GDF5: variants seen among roughly 807,000 people sequenced by gnomAD.
GDF5 encodes growth/differentiation factor 5.
Under a neutral mutation model 34.6 loss-of-function variants are expected in GDF5, and 17 were observed. The ratio of observed to expected loss-of-function variants is 0.49; its 90% CI spans 0.34 to 0.74. The LOEUF (loss-of-function observed/expected upper bound fraction) is 0.74. Among genes scored for constraint, GDF5 ranks in the 30% least tolerant of loss-of-function variants. GDF5 has a pLI of 0.01. For synonymous variants in GDF5, 332 were observed against 290.7 expected (o/e 1.14, Z -1.44); for missense variants, 616 against 661.2 (o/e 0.93, Z 0.75).
At chr20:35,434,938 A>G in intron 1 of GDF5, 155 bp from the exon 2 acceptor site, 3 of 814,844 alleles carry the variant, frequency 3.7e-6, no homozygotes, top group Non-Finnish European at 6.5e-6. Flanking sequence ...AACCACTGAG[A>G]GCCTTTTTGA....
Position 35,433,563 on chromosome 20 carries a change from A to G in GDF5, c.*346T>C. The G allele has an allele frequency of 8.0e-6, 3 of 375,766 alleles. No homozygotes were observed. The highest frequency in any genetic ancestry group is 1.0e-5 in the Non-Finnish European group (2 of 194,388). 23.3% of individuals were successfully genotyped at this position (375,766 alleles called of 1,614,324 possible). The stretch of plus-strand genomic sequence containing the variant: ...GGCTCTCCTGAGAGGTGCTTAGGAG[A>G]GTCCAGAGGCTGAGAAGGCCCAGGT... On this transcript the variant is annotated 3_prime_UTR_variant, in exon 2 of 2. Coordinates refer to ENST00000374369, the MANE Select transcript of GDF5 (RefSeq NM_000557.5).
intron 1 of GDF5, among the ~76,000 whole-genome samples, chr20:35,448,084 A>G (rs907428625): frequency 3.2e-4 from 48 of 152,178 alleles, no homozygotes; most frequent in Non-Finnish European, 4.9e-4. Context: ...GTTAAAAGAG[A>G]AAGTTCCCCT....
At chr20:35,435,117 G>A (rs2062465985) in intron 1 of GDF5, 8 of 593,966 alleles carry the variant, frequency 1.3e-5, no homozygotes, top group African/African-American at 1.9e-5. Flanking sequence ...ATGAGCTAAC[G>A]TGATGTCTCA....
intron 1 of GDF5, chr20:35,453,908 GTC>G (rs2087206565): frequency 1.9e-6 from 1 of 534,400 alleles, no homozygotes; most frequent in African/African-American, 1.9e-5. Flanking sequence ...CCAAATTACA[GTC>G]TCTACGCTCA....
At chr20:35,454,224 C>CG (rs905435770) in intron 1 of GDF5, 28 of 350,458 alleles carry the variant, frequency 8.0e-5, no homozygotes, top group Non-Finnish European at 1.5e-4. Context: ...GAGGCCGAGG[C>CG]GGGAGGATCA....
At chr20:35,451,058 A>T (rs200200418) in intron 1 of GDF5, among the ~76,000 whole-genome samples, 44,631 of 61,390 alleles carry the variant, frequency 0.73, 14,220 homozygotes, top group Non-Finnish European at 0.78. Flanking sequence ...AAAAAAAAAA[A>T]AAAAAAATAT....
intron 1 of GDF5, among the ~76,000 whole-genome samples, chr20:35,452,815 T>A (rs1249123978): frequency 6.6e-6 from 1 of 152,238 alleles, no homozygotes; most frequent in African/African-American, 2.4e-5. Flanking sequence ...ATTCATTCAT[T>A]CAATGGACAC....
intron 1 of GDF5, among the ~76,000 whole-genome samples, chr20:35,436,897 T>G (rs1482297425): frequency 6.6e-6 from 1 of 152,180 alleles, no homozygotes; most frequent in African/African-American, 2.4e-5. Context: ...ACCTCAAGAT[T>G]CATTTCTTTC....
rs537885107 is a variant in GDF5 at position 35,438,000 on chromosome 20, A to C, written c.-72T>G. ...CGAAGGTGCCTCTGGTTTGGCAGGA[A>C]AAACCATGAAAGGAGTGGACTTTCA... On this transcript the variant is annotated 5_prime_UTR_variant, in exon 1 of 2. Coordinates refer to ENST00000374369, the MANE Select transcript of GDF5 (RefSeq NM_000557.5). The C allele has an allele frequency of 9.7e-5, 153 of 1,573,556 alleles. No individual in the cohort carries two copies. The African/African-American group carries it at 1.9e-3, about 19-fold the overall frequency.
intron 1 of GDF5, among the ~76,000 whole-genome samples, chr20:35,445,247 G>A (rs1465131118): frequency 6.6e-6 from 1 of 152,088 alleles, no homozygotes; most frequent in African/African-American, 2.4e-5. Context: ...TGGGCAAACC[G>A]GTAAAAACAT....
Position 35,438,063 on chromosome 20 carries a change from C to G in GDF5, c.-135G>C. On this transcript the variant is annotated 5_prime_UTR_variant, in exon 1 of 2. Coordinates refer to ENST00000374369, the MANE Select transcript of GDF5 (RefSeq NM_000557.5). ...GCAGCAGTAGCAGCAGAAGGAAAGG[C>G]TTTCTCCTCAGTCTGAGACTCTTGA... 1 of 988,998 alleles carries G rather than the reference C, an allele frequency of 1.0e-6. No individual in the cohort carries two copies. The highest frequency in any genetic ancestry group is 1.6e-6 in the Non-Finnish European group (1 of 643,656). The allele number at this position is 988,998 out of a possible 1,614,324, so 61.3% of individuals were successfully genotyped here. A position where few individuals can be genotyped will look rare whatever the true frequency, so the allele number is the denominator to read the frequency against.
upstream of GDF5, chr20:35,438,358 T>TCACACACACAGACA: frequency 1.3e-5 from 2 of 158,868 alleles, no homozygotes; most frequent in East Asian, 3.5e-4. Flanking sequence ...TGAAAATACT[T>TCACACACACAGACA]CACACACACA....
At chr20:35,451,637 A>G (rs2062534261) in intron 1 of GDF5, among the ~76,000 whole-genome samples, 1 of 144,668 alleles carries the variant, frequency 6.9e-6, no homozygotes, top group South Asian at 2.2e-4. Context: ...GCTAGAGTGC[A>G]GTAGGGCCAT....
At chr20:35,438,797 A>G (rs1192493748), upstream of GDF5, among the ~76,000 whole-genome samples, 2 of 147,490 alleles carry the variant, frequency 1.4e-5, no homozygotes, top group Non-Finnish European at 3.0e-5. Context: ...CAACTCCTGC[A>G]TCTAGTCTGG....
Position 35,433,987 on chromosome 20 carries a change from G to C in GDF5, c.1428C>G (p.Ile476Met). 1 of 1,613,936 alleles carries C rather than the reference G, an allele frequency of 6.2e-7. No individual in the cohort carries two copies. Among genetic ancestry groups the C allele is most frequent in the Non-Finnish European group, 8.5e-7 (1 of 1,179,810 alleles). Reference protein sequence around the residue: ...CVPTRLSPISILFIDSANNVV... With the variant: ...CVPTRLSPISMLFIDSANNVV... ...CGTTGTTGGCAGAGTCAATGAAGAG[G>C]ATGCTGATGGGACTCAGCCGCGTGG... is the stretch of plus-strand genomic sequence containing the variant. The change falls in exon 2 of 2, where the codon ATC (isoleucine) becomes ATG (methionine). Residue 476 changes from isoleucine to methionine, a missense_variant. By Grantham distance (10) the Ile-to-Met change is conservative (BLOSUM62 1). Coordinates refer to ENST00000374369, the MANE Select transcript of GDF5 (RefSeq NM_000557.5).
chr20:35,439,463 G>A (rs936723474), upstream of GDF5, among the ~76,000 whole-genome samples: 9 of 151,980 alleles, frequency 5.9e-5, no homozygotes, highest in African/African-American at 1.9e-4. Context: ...TCCTGACCTC[G>A]TGATCCGCCC....
Position 35,434,404 on chromosome 20 carries a change from G to A in GDF5, c.1011C>T (p.His337=), listed in dbSNP as rs751751311. 8.2e-5 allele frequency: 133 copies of A among 1,613,532 alleles called. No individual in the cohort carries two copies. The highest frequency in any genetic ancestry group is 1.6e-4 in the Middle Eastern group (1 of 6,084). ...LGFDRAARQV[H]EKALFLVFGR... is the part of the protein sequence containing the mutation. ...CAAACACCAGGAACAGGGCTTTCTC[G>A]TGGACCTGCCGGGCGGCGCGGTCGA... The change falls in exon 2 of 2, where the codon CAC becomes CAT. Residue 337 remains histidine (H), a synonymous_variant. Coordinates refer to ENST00000374369, the MANE Select transcript of GDF5 (RefSeq NM_000557.5).
chr20:35,449,918 G>C (rs1305479223), intron 1 of GDF5, among the ~76,000 whole-genome samples: 1 of 151,672 alleles, frequency 6.6e-6, no homozygotes, highest in African/African-American at 2.4e-5. Context: ...GAGCCCAGGA[G>C]ATTGAAGCTG....
chr20:35,448,802 C>T (rs2062522078), intron 1 of GDF5, among the ~76,000 whole-genome samples: 1 of 152,128 alleles, frequency 6.6e-6, no homozygotes, highest in African/African-American at 2.4e-5. Context: ...GACTGGACAT[C>T]CTTTATTGCC....
Sources: gnomAD v4.1 joint callset for allele counts (sites outside exome capture counted in the v4.1 genomes callset) on GRCh38, gnomAD v4.1.1 for gene constraint, MANE v1.5 for transcripts, NCBI Gene and HGNC (gene_info 2026-07-23, HGNC 2026-07-21) for gene names.